ATP8B1: variants seen among roughly 807,000 people sequenced by gnomAD.
The protein encoded by ATP8B1 is phospholipid-transporting ATPase IC.
In ATP8B1, 80 loss-of-function variants were observed where a neutral mutation model predicts 149.9. That is an observed-to-expected ratio of 0.53 (90% CI 0.45 to 0.64). ATP8B1 has a LOEUF of 0.64. Among genes scored for constraint, ATP8B1 ranks in the 30% least tolerant of loss-of-function variants. ATP8B1 has a pLI of 0.00. For synonymous variants in ATP8B1, 536 were observed against 562.8 expected, an observed-to-expected ratio of 0.95 and a Z score of 0.67; for missense variants, 1,247 against 1,552.6, an observed-to-expected ratio of 0.80 and a Z score of 3.31.
chr18:57,663,991 T>C (rs1910692007), intron 20 of ATP8B1, among the ~76,000 whole-genome samples: 1 of 151,130 alleles, frequency 6.6e-6, no homozygotes, highest in Admixed American at 6.6e-5. Flanking sequence ...GGTCTCAATC[T>C]CTTGACTTCA....
At chr18:57,717,714 G>A (rs75042204) in intron 2 of ATP8B1, among the ~76,000 whole-genome samples, 1,879 of 151,646 alleles carry the variant, frequency 0.012, 37 homozygotes, top group African/African-American at 0.043. Flanking sequence ...AAACAAAAAC[G>A]GTTTTTTGTT....
At chr18:57,714,647 T>C (rs1332091998) in intron 2 of ATP8B1, among the ~76,000 whole-genome samples, 2 of 143,252 alleles carry the variant, frequency 1.4e-5, no homozygotes, top group African/African-American at 4.9e-5. Context: ...TTGATTCTGT[T>C]TGGGAGAAAG....
In ATP8B1 at chr18:57,672,907, T is replaced by C. The variant is rs1568189213; in HGVS notation, c.1820-1327A>G. On this transcript the variant is annotated intron_variant, in intron 16 of 27. Transcript: ENST00000648908. The stretch of plus-strand genomic sequence containing the variant: ...AAAAGTATATATATATATATATATA[T>C]ATATATATATATATATATATATATA... 2.7e-4 allele frequency among the ~76,000 whole-genome samples: 19 copies of C among 71,688 alleles called. 1 individual carries two copies. In the East Asian group the frequency reaches 5.7e-3, roughly 22 times the overall value. The allele number at this position is 71,688 out of a possible 152,430, so 47.0% of individuals were successfully genotyped here.
At chr18:57,686,475 A>C (rs1289246464) in intron 13 of ATP8B1, among the ~76,000 whole-genome samples, 1 of 152,048 alleles carries the variant, frequency 6.6e-6, no homozygotes, top group Non-Finnish European at 1.5e-5. Flanking sequence ...CTGGAACTAC[A>C]GGCACACACA....
intron 1 of ATP8B1, among the ~76,000 whole-genome samples, chr18:57,751,454 GA>G (rs371060012): frequency 0.26 from 35,378 of 135,112 alleles, 5,371 homozygotes; most frequent in Non-Finnish European, 0.37. Flanking sequence ...ATGCTGTCTT[GA>G]AAAAAAAAAA....
At chr18:57,741,182 C>T (rs1373552376) in intron 1 of ATP8B1, among the ~76,000 whole-genome samples, 1 of 152,166 alleles carries the variant, frequency 6.6e-6, no homozygotes, top group Non-Finnish European at 1.5e-5. Flanking sequence ...GGGATCCACC[C>T]ACCTTGGCCT....
chr18:57,703,610 G>C (rs1753506633), intron 4 of ATP8B1, among the ~76,000 whole-genome samples: 1 of 150,892 alleles, frequency 6.6e-6, no homozygotes, highest in South Asian at 2.1e-4. Context: ...GAAAAAACCA[G>C]GTGGATATTC....
chr18:57,715,485 C>G (rs2079575238), intron 2 of ATP8B1, among the ~76,000 whole-genome samples: 1 of 151,920 alleles, frequency 6.6e-6, no homozygotes, highest in Non-Finnish European at 1.5e-5. Context: ...CTTCCCAAAC[C>G]TAGAGGAAGA....
intron 1 of ATP8B1, among the ~76,000 whole-genome samples, chr18:57,754,370 G>T (rs546229602): frequency 7.2e-5 from 11 of 152,084 alleles, no homozygotes; most frequent in Non-Finnish European, 1.5e-5. Flanking sequence ...CCTGGGAGGC[G>T]GAGGTTGCAG....
chr18:57,702,811 C>G (rs1256801351), intron 4 of ATP8B1, among the ~76,000 whole-genome samples: 2 of 149,390 alleles, frequency 1.3e-5, no homozygotes, highest in Non-Finnish European at 3.0e-5. Context: ...GAGCTGAGAT[C>G]ACGCCATTGC....
chr18:57,655,193 C>T lies in ATP8B1; in HGVS notation c.2931+1G>A. The T allele has an allele frequency of 6.3e-7, 1 of 1,599,242 alleles. No homozygotes were observed. The highest frequency in any genetic ancestry group is 8.6e-7 in the Non-Finnish European group (1 of 1,166,500). ...TAACAATAATAACAACATTACATTA[C>T]CTGCGCAGAGTAGCCATTGAAGAAG... On this transcript the variant is annotated splice_donor_variant, in intron 23 of 27. Transcript: ENST00000648908. LOFTEE classifies it high-confidence loss of function.
chr18:57,707,033 G>A (rs936036318), intron 2 of ATP8B1, among the ~76,000 whole-genome samples: 1 of 152,190 alleles, frequency 6.6e-6, no homozygotes, highest in Non-Finnish European at 1.5e-5. Context: ...CAGGCCGGGC[G>A]CGGTGGCTCA....
chr18:57,795,185 C>G (rs968443542), intron 1 of ATP8B1, among the ~76,000 whole-genome samples: 3 of 151,642 alleles, frequency 2.0e-5, no homozygotes, highest in Admixed American at 1.3e-4. Context: ...TAGCTTGAGC[C>G]CTGGAGTTCA....
chr18:57,757,971 A>G (rs28613955), intron 1 of ATP8B1, among the ~76,000 whole-genome samples: 11,964 of 151,954 alleles, frequency 0.079, 521 homozygotes, highest in Middle Eastern at 0.14. Flanking sequence ...CAGTTTTAGG[A>G]TTTCCCCTAT....
intron 12 of ATP8B1, 112 bp from the exon 13 acceptor site, chr18:57,688,619 T>G: frequency 9.1e-7 from 1 of 1,096,174 alleles, no homozygotes; most frequent in Non-Finnish European, 1.4e-6. Context: ...ACTGCTATGG[T>G]CTGAATGTTA....
chr18:57,708,295 A>G (rs914982691), intron 2 of ATP8B1, among the ~76,000 whole-genome samples: 5 of 152,140 alleles, frequency 3.3e-5, no homozygotes, highest in Admixed American at 2.0e-4. Context: ...TTCATCGGGT[A>G]ATCATAACAG....
chr18:57,768,916 G>A (rs889662920), intron 1 of ATP8B1, among the ~76,000 whole-genome samples: 1 of 152,194 alleles, frequency 6.6e-6, no homozygotes, highest in African/African-American at 2.4e-5. Context: ...TACAAATTCA[G>A]AGATGTTCTT....
intron 1 of ATP8B1, among the ~76,000 whole-genome samples, chr18:57,768,586 C>CAA (rs5825235): frequency 0.062 from 6,046 of 96,912 alleles, 659 homozygotes; most frequent in East Asian, 0.29. Context: ...GTTTACATGC[C>CAA]AAAAAAAAAA....
chr18:57,742,387 G>A (rs1443243472), intron 1 of ATP8B1, among the ~76,000 whole-genome samples: 1 of 152,160 alleles, frequency 6.6e-6, no homozygotes, highest in Non-Finnish European at 1.5e-5. Context: ...AGAAGCCTGG[G>A]ATAAATAACA....
Sources: gnomAD v4.1 joint callset for allele counts (sites outside exome capture counted in the v4.1 genomes callset) on GRCh38, gnomAD v4.1.1 for gene constraint, MANE v1.5 for transcripts, NCBI Gene and HGNC (gene_info 2026-07-23, HGNC 2026-07-21) for gene names.